Variants in AUTS2 observed in about 807,000 individuals in gnomAD.
AUTS2 encodes the protein activator of transcription and developmental regulator AUTS2, also known as autism susceptibility gene 2 protein.
A neutral mutation model predicts 112.4 loss-of-function variants in AUTS2; 17 were observed. The ratio of observed to expected loss-of-function variants is 0.15; its 90% CI spans 0.10 to 0.23. The LOEUF is 0.23. Ranked by LOEUF, AUTS2 falls within the 10% of genes least tolerant of loss-of-function variation. The pLI is 1.00. For missense variants in AUTS2, 1,510 were observed against 1,701.6 expected (o/e 0.89, Z 1.98); for synonymous variants, 751 against 702.7 (o/e 1.07, Z -1.09).
At chr7:69,844,058 T>G (rs796770975) in intron 1 of AUTS2, among the ~76,000 whole-genome samples, 7 of 152,302 alleles carry the variant, frequency 4.6e-5, no homozygotes. Flanking sequence ...GTTACTCTGC[T>G]TATTCCCCTA....
intron 1 of AUTS2, among the ~76,000 whole-genome samples, chr7:69,617,704 TTA>T (rs1583949146): frequency 6.6e-6 from 1 of 152,186 alleles, no homozygotes; most frequent in African/African-American, 2.4e-5. Flanking sequence ...GGAGCTCACG[TTA>T]TATTCTTTTA....
chr7:69,692,120 C>T (rs1302674462), intron 1 of AUTS2, among the ~76,000 whole-genome samples: 1 of 152,088 alleles, frequency 6.6e-6, no homozygotes. Flanking sequence ...TGCCAGTGGG[C>T]GTTTGGCCCA....
At chr7:69,646,484 A>G (rs1314787992) in intron 1 of AUTS2, among the ~76,000 whole-genome samples, 1 of 152,202 alleles carries the variant, frequency 6.6e-6, no homozygotes, top group Admixed American at 6.5e-5. Flanking sequence ...AAAAGGACGG[A>G]TGGTTGGATA....
At chr7:69,800,724 A>G (rs763731418) in intron 1 of AUTS2, among the ~76,000 whole-genome samples, 19 of 152,170 alleles carry the variant, frequency 1.2e-4, no homozygotes, top group Admixed American at 9.8e-4. Context: ...GACAAGTACT[A>G]TGAGTCAGAA....
chr7:70,704,408 A>G (rs1400314892), intron 6 of AUTS2, among the ~76,000 whole-genome samples: 3 of 152,214 alleles, frequency 2.0e-5, no homozygotes, highest in East Asian at 1.9e-4. Context: ...CAGATGTTCA[A>G]ACATCACTCT....
chr7:69,800,006 T>A (rs1790013195), intron 1 of AUTS2, among the ~76,000 whole-genome samples: 1 of 152,212 alleles, frequency 6.6e-6, no homozygotes, highest in Admixed American at 6.5e-5. Context: ...CCAAAATAGA[T>A]TTAAGGGTTA....
intron 5 of AUTS2, among the ~76,000 whole-genome samples, chr7:70,604,707 AAGG>A (rs1208256169): frequency 6.6e-6 from 1 of 152,202 alleles, no homozygotes; most frequent in Non-Finnish European, 1.5e-5. Flanking sequence ...ATGGACAAGA[AAGG>A]AGAACCGAAC....
At chr7:70,740,879 C>T (rs777250069) in intron 6 of AUTS2, among the ~76,000 whole-genome samples, 4 of 152,020 alleles carry the variant, frequency 2.6e-5, no homozygotes, top group African/African-American at 4.8e-5. Flanking sequence ...GGATCACTTG[C>T]GGTCAGGAGT....
intron 5 of AUTS2, among the ~76,000 whole-genome samples, chr7:70,613,228 T>C (rs1468782401): frequency 1.5e-5 from 2 of 129,376 alleles, no homozygotes; most frequent in Non-Finnish European, 3.2e-5. Context: ...TATATACATA[T>C]ATGTGTGTGT....
chr7:70,659,167 A>G (rs1434623529), intron 5 of AUTS2, among the ~76,000 whole-genome samples: 2 of 152,160 alleles, frequency 1.3e-5, no homozygotes, highest in South Asian at 2.1e-4. Flanking sequence ...GGGCATTACC[A>G]GTGGGAGGTA....
chr7:70,154,462 T>C (rs1807630342), intron 4 of AUTS2, among the ~76,000 whole-genome samples: 1 of 152,234 alleles, frequency 6.6e-6, no homozygotes, highest in Admixed American at 6.5e-5. Flanking sequence ...TTCAAGATGG[T>C]AACAATTGAA....
At chr7:70,459,377 G>A (rs1434360349) in intron 5 of AUTS2, among the ~76,000 whole-genome samples, 1 of 152,132 alleles carries the variant, frequency 6.6e-6, no homozygotes, top group Non-Finnish European at 1.5e-5. Context: ...TCCAAAAGTG[G>A]TACCTTCAAC....
At chr7:69,818,023 G>T (rs912197789) in intron 1 of AUTS2, among the ~76,000 whole-genome samples, 1 of 152,212 alleles carries the variant, frequency 6.6e-6, no homozygotes, top group Non-Finnish European at 1.5e-5. Flanking sequence ...GCATTTAAAT[G>T]CCATTTACAT....
chr7:70,114,813 A>G (rs78039454), intron 2 of AUTS2, among the ~76,000 whole-genome samples: 6,996 of 152,308 alleles, frequency 0.046, 249 homozygotes, highest in Non-Finnish European at 0.072. Context: ...GAAAAAAAAA[A>G]AAGAAAGAAA....
chr7:70,350,810 C>A (rs1791716730), intron 4 of AUTS2, among the ~76,000 whole-genome samples: 1 of 152,070 alleles, frequency 6.6e-6, no homozygotes, highest in African/African-American at 2.4e-5. Context: ...GTCCTCCTGC[C>A]CTACATTAGA....
intron 5 of AUTS2, among the ~76,000 whole-genome samples, chr7:70,638,814 C>T (rs1366181107): frequency 6.6e-6 from 1 of 152,160 alleles, no homozygotes; most frequent in Non-Finnish European, 1.5e-5. Flanking sequence ...AAACAAACTG[C>T]ATCACAATGG....
chr7:70,759,755 T>C lies in AUTS2; in HGVS notation c.743-3115T>C, dbSNP rs556857037. Among the ~76,000 whole-genome samples, 4 of 152,278 alleles carry C rather than the reference T, an allele frequency of 2.6e-5. No individual in the cohort carries two copies. In the East Asian group the frequency reaches 7.7e-4, roughly 29 times the overall value. On this transcript the variant is annotated intron_variant, in intron 6 of 18. Transcript: ENST00000342771. ...GCCATCTGCAAGCTTGGCTGTGTTA[T>C]CCAAATTCTTGAGGCTCGTTCAAGA...
At position 70,226,745 on chromosome 7, in the gene AUTS2, A is replaced by G. The variant is rs184571317; in HGVS notation, c.660+92174A>G. On this transcript the variant is annotated intron_variant, in intron 4 of 18. Transcript: ENST00000342771. Reference sequence around the variant, plus strand: ...GTATTCTAAGCATGTTATATGCAGTATATCATTTAATTTTTGCAACTATAT... The same window carrying G: ...GTATTCTAAGCATGTTATATGCAGTGTATCATTTAATTTTTGCAACTATAT... 5.9e-5 allele frequency among the ~76,000 whole-genome samples: 9 copies of G among 152,304 alleles called. No homozygotes were observed. In the East Asian group the frequency reaches 1.4e-3, roughly 23 times the overall value.
At chr7:70,451,358 T>C (rs996009310) in intron 5 of AUTS2, among the ~76,000 whole-genome samples, 4 of 152,084 alleles carry the variant, frequency 2.6e-5, no homozygotes, top group Admixed American at 6.6e-5. Context: ...TACCCCCGAA[T>C]CTAAAATAAA....
Sources: gnomAD v4.1 joint callset for allele counts (sites outside exome capture counted in the v4.1 genomes callset) on GRCh38, gnomAD v4.1.1 for gene constraint, MANE v1.5 for transcripts, NCBI Gene and HGNC (gene_info 2026-07-23, HGNC 2026-07-21) for gene names.